Variants in LRP4 observed in about 807,000 individuals in gnomAD.
LRP4 encodes the protein low-density lipoprotein receptor-related protein 4.
LRP4 carries 95 observed loss-of-function variants against 220.3 expected under a neutral mutation model. The observed-to-expected ratio is 0.43, with a 90% CI of 0.37 to 0.51. The LOEUF is 0.51. Among genes scored for constraint, LRP4 ranks in the 20% least tolerant of loss-of-function variants. The pLI, the probability that LRP4 is intolerant of heterozygous loss-of-function variation, is 0.00. For missense variants in LRP4, 1,925 were observed against 2,567.0 expected, an observed-to-expected ratio of 0.75 and a Z score of 5.40; for synonymous variants, 903 against 954.6, an observed-to-expected ratio of 0.95 and a Z score of 1.00.
intron 8 of LRP4, 74 bp downstream of exon 8, chr11:46,896,795 C>A (rs1270427141): frequency 6.2e-7 from 1 of 1,608,248 alleles, no homozygotes; most frequent in East Asian, 2.2e-5. Context: ...TGGAAAGATA[C>A]CAAAGCACCC....
Position 46,868,700 on chromosome 11 carries a change from A to G in LRP4, c.4851T>C (p.Cys1617=), listed in dbSNP as rs995939883. Residue 1617 remains cysteine, a synonymous_variant, in exon 33 of 38, where the codon TGT becomes TGC. Coordinates refer to ENST00000378623, the MANE Select transcript of LRP4 (RefSeq NM_002334.4). ...GGGTGCAGCCACCATTGTTCACACC[A>G]CAGGCATTGGTCCCTGGAGGCAAAG... ...SPQRQTGTNA[C]GVNNGGCTHL... 6.2e-7 allele frequency: 1 copy of G among 1,613,374 alleles called. No homozygotes were observed. The highest frequency in any genetic ancestry group is 8.5e-7 in the Non-Finnish European group (1 of 1,179,322).
intron 30 of LRP4, among the ~76,000 whole-genome samples, 163 bp from the exon 31 acceptor site, chr11:46,871,796 A>AG (rs1332802896): frequency 6.6e-6 from 1 of 152,148 alleles, no homozygotes; most frequent in African/African-American, 2.4e-5. Flanking sequence ...AAGCTGAAGA[A>AG]GGGAGCTGGT....
chr11:46,858,704 C>T lies in LRP4; in HGVS notation c.*279G>A, dbSNP rs925769598. On this transcript the variant is annotated 3_prime_UTR_variant, in exon 38 of 38. Coordinates refer to ENST00000378623, the MANE Select transcript of LRP4 (RefSeq NM_002334.4). ...GTGGAGCTCTACGCTGGTGAGGAAT[C>T]ACGAATAAGCAGTTTCAGGGGGCCC... is the stretch of plus-strand genomic sequence containing the variant. 9 of 471,672 alleles carry T rather than the reference C, an allele frequency of 1.9e-5. No homozygotes were observed. Among genetic ancestry groups the T allele is most frequent in the African/African-American group, 1.6e-4 (8 of 50,804 alleles). 29.2% of individuals were successfully genotyped at this position (471,672 alleles called of 1,614,324 possible).
rs1940588876 is a variant in LRP4, at chr11:46,862,660, C to A, written c.5331G>T (p.Lys1777Asn). ...TGGCTGGTTTGGGGATTGCTTCAAT[C>A]TTCACTTCCTGTGTGGATGTTCGGT... Reference protein sequence around the residue: ...PSYRTSTQEVKIEAIPKPAMY... With the variant: ...PSYRTSTQEVNIEAIPKPAMY... Residue 1777 changes from lysine (K) to asparagine (N), a missense_variant, in exon 37 of 38, where the codon AAG (lysine) becomes AAT (asparagine). Transcript: ENST00000378623. 1 of 1,614,082 alleles carries A rather than the reference C, an allele frequency of 6.2e-7. No individual in the cohort carries two copies.
At chr11:46,876,723 T>C (rs1423657050) in intron 24 of LRP4, 21 bp downstream of exon 24, 4 of 1,613,972 alleles carry the variant, frequency 2.5e-6, no homozygotes, top group African/African-American at 2.7e-5. Context: ...AGGTGGTCCC[T>C]GGGCTAGGAG....
rs928915649 is a variant in LRP4, at chr11:46,918,044, G to T, written c.52+284C>A. The stretch of plus-strand genomic sequence containing the variant: ...CAGCCCCCGCTCTTGAAAGAGCAGC[G>T]AGGGAGGGCGAGCGAACGAACGCCC... On this transcript the variant is annotated intron_variant, in intron 1 of 37. Transcript: ENST00000378623. This position sits in a 1 kb window ranked among gnomAD's most constrained non-coding sequence, Gnocchi z 6.0. Among the ~76,000 whole-genome samples the T allele has an allele frequency of 6.6e-6, 1 of 152,206 alleles. No homozygotes were observed.
chr11:46,894,344 C>T (rs1170744569), intron 12 of LRP4, among the ~76,000 whole-genome samples: 3 of 152,240 alleles, frequency 2.0e-5, no homozygotes, highest in African/African-American at 7.2e-5. Context: ...TTCCCATGAT[C>T]ACAACCACCA....
At chr11:46,876,877 T>C in intron 23 of LRP4, 47 bp from the exon 24 acceptor site, 1 of 1,380,390 alleles carries the variant, frequency 7.2e-7, no homozygotes, top group Non-Finnish European at 1.0e-6. Context: ...CCGCCTACAA[T>C]GGGACACACA....
chr11:46,911,379 T>C (rs1341093718), intron 1 of LRP4, among the ~76,000 whole-genome samples: 1 of 152,086 alleles, frequency 6.6e-6, no homozygotes, highest in Admixed American at 6.5e-5. Context: ...GCTCAAAATA[T>C]TGCTTTCCCT....
Position 46,875,744 on chromosome 11 carries a change from C to T in LRP4, c.3699+60G>A. ...AGATTGGGAACTCTCCATGGAGATC[C>T]TAGGCAGGCCTTTCCCATCTTCCCA... On this transcript the variant is annotated intron_variant, in intron 26 of 37. Transcript: ENST00000378623. The surrounding 1 kb of genome is among the most constrained non-coding windows in gnomAD (Gnocchi z 4.5). The T allele has an allele frequency of 1.2e-6, 2 of 1,612,932 alleles. No homozygotes were observed. The highest frequency in any genetic ancestry group is 2.2e-5 in the South Asian group (2 of 91,064).
At chr11:46,866,365 C>A (rs567437312) in intron 34 of LRP4, among the ~76,000 whole-genome samples, 2 of 151,562 alleles carry the variant, frequency 1.3e-5, no homozygotes, top group South Asian at 4.2e-4. Flanking sequence ...CTCACTGCAG[C>A]CTAAACCTGG....
intron 19 of LRP4, 91 bp from the exon 20 acceptor site, chr11:46,881,994 A>G (rs2134816199): frequency 7.9e-7 from 1 of 1,273,702 alleles, no homozygotes; most frequent in South Asian, 1.2e-5. Context: ...TTCTGCCTGA[A>G]GCAGATCCTC....
At chr11:46,867,223 T>C (rs1168610703) in intron 34 of LRP4, among the ~76,000 whole-genome samples, 1 of 152,144 alleles carries the variant, frequency 6.6e-6, no homozygotes, top group African/African-American at 2.4e-5. Flanking sequence ...TTTGTGTGTG[T>C]GTGTGTGTTG....
intron 35 of LRP4, among the ~76,000 whole-genome samples, 186 bp downstream of exon 35, chr11:46,864,933 A>G (rs1940654953): frequency 6.6e-6 from 1 of 152,250 alleles, no homozygotes; most frequent in African/African-American, 2.4e-5. Context: ...CATGCCTGGC[A>G]TACGGAAAGC....
intron 15 of LRP4, 23 bp from the exon 16 acceptor site, chr11:46,889,556 GAGGATCAGCGAAGGTCTGCAAA>G: frequency 1.9e-6 from 3 of 1,612,382 alleles, no homozygotes; most frequent in Non-Finnish European, 2.5e-6. Context: ...CCCAGGGCAA[GAGGATCAGCGAAGGTCTGCAAA>G]AGTGACCCCA....
chr11:46,906,016 G>T (rs1043749019), intron 1 of LRP4, among the ~76,000 whole-genome samples: 8 of 152,156 alleles, frequency 5.3e-5, no homozygotes, highest in African/African-American at 1.9e-4. Context: ...AAAGGACAGA[G>T]AGGAAGTAGG....
rs200936217 is a variant in LRP4, at chr11:46,874,936, G to A, written c.4093C>T (p.Arg1365Trp). 1.9e-5 allele frequency: 30 copies of A among 1,614,156 alleles called. No individual in the cohort carries two copies. The highest frequency in any genetic ancestry group is 6.7e-5 in the East Asian group (3 of 44,880). ...TCACTGGTGTCCAGTGAGATACGCC[G>A]GATGGAGCCACGGCTGGAGAAGAGC... ...YLLFSSRGSIRRISLDTSDHT... is the reference protein window; with the variant it reads ...YLLFSSRGSIWRISLDTSDHT... Residue 1365 changes from arginine to tryptophan, a missense_variant, in exon 28 of 38, where the codon CGG becomes TGG. Coordinates refer to ENST00000378623, the MANE Select transcript of LRP4 (RefSeq NM_002334.4).
intron 1 of LRP4, among the ~76,000 whole-genome samples, chr11:46,914,131 T>C (rs1383520740): frequency 6.6e-6 from 1 of 152,186 alleles, no homozygotes; most frequent in Non-Finnish European, 1.5e-5. Flanking sequence ...CTGCATAGTT[T>C]GAACATGCTA....
intron 3 of LRP4, 60 bp downstream of exon 3, chr11:46,900,202 T>C (rs1941637434): frequency 3.0e-6 from 4 of 1,318,556 alleles, no homozygotes; most frequent in Middle Eastern, 1.9e-4. Context: ...TGCTTTCTGA[T>C]TGAAAATCCT....
Sources: allele counts gnomAD v4.1 joint callset (sites outside exome capture counted in the v4.1 genomes callset), GRCh38; gene constraint gnomAD v4.1.1; non-coding constraint Gnocchi (gnomAD v3.1); transcripts MANE v1.5; gene names NCBI Gene and HGNC (gene_info 2026-07-23, HGNC 2026-07-21).